CDH22: variants seen among roughly 807,000 people sequenced by gnomAD.
CDH22 encodes cadherin 22, also known as cadherin-22.
A neutral mutation model predicts 58.4 loss-of-function variants in CDH22; 30 were observed. The ratio of observed to expected loss-of-function variants is 0.51; its 90% CI spans 0.38 to 0.70. CDH22 has a LOEUF of 0.70. Ranked by LOEUF, CDH22 falls within the 30% of genes least tolerant of loss-of-function variation. The pLI is 0.00. For missense variants in CDH22, 1,014 were observed against 1,233.9 expected (o/e 0.82, Z 2.67); for synonymous variants, 513 against 558.2 (o/e 0.92, Z 1.14).
At chr20:46,230,240 C>T (rs919025316) in intron 3 of CDH22, among the ~76,000 whole-genome samples, 4 of 152,176 alleles carry the variant, frequency 2.6e-5, no homozygotes, top group South Asian at 2.1e-4. Context: ...TGTCCATTCT[C>T]TCCTGCAGAC....
At chr20:46,262,857 C>T (rs1043221019) in intron 1 of CDH22, among the ~76,000 whole-genome samples, 16 of 152,198 alleles carry the variant, frequency 1.1e-4, no homozygotes, top group African/African-American at 3.4e-4. Flanking sequence ...GATGGAACCA[C>T]CTGCTGTTAA....
intron 7 of CDH22, chr20:46,209,981 C>A: frequency 3.5e-6 from 1 of 281,978 alleles, no homozygotes. Context: ...GTCGAGAGAT[C>A]AGGGAGCCAG....
intron 2 of CDH22, among the ~76,000 whole-genome samples, chr20:46,249,602 C>T (rs977681892): frequency 6.6e-6 from 1 of 152,168 alleles, no homozygotes; most frequent in Non-Finnish European, 1.5e-5. Context: ...GATCTCTGAG[C>T]CTCAGAACTG....
intron 1 of CDH22, among the ~76,000 whole-genome samples, chr20:46,305,795 G>T (rs778089337): frequency 6.6e-6 from 1 of 152,218 alleles, no homozygotes. Flanking sequence ...TTGCCAACTC[G>T]GGAGGAGACG....
At chr20:46,213,271 C>T in intron 5 of CDH22, 83 bp from the exon 6 acceptor site, 1 of 937,430 alleles carries the variant, frequency 1.1e-6, no homozygotes, top group Non-Finnish European at 1.7e-6. Flanking sequence ...GACAAGGGGG[C>T]CCAGGTGAGC....
chr20:46,251,539 G>C lies in CDH22; in HGVS notation c.-245C>G, dbSNP rs866477135. ...GGCATGGACAGCCCCCGGGGTGCCC[G>C]CCCGCGCCCCCGTCGCCGCGTCGCG... On this transcript the variant is annotated 5_prime_UTR_variant, in exon 2 of 12. Coordinates refer to ENST00000537909, the MANE Select transcript of CDH22 (RefSeq NM_021248.3). This position sits in a 1 kb window ranked among gnomAD's most constrained non-coding sequence, Gnocchi z 6.7. 3.6e-4 allele frequency: 113 copies of C among 318,180 alleles called. No individual in the cohort carries two copies. The highest frequency in any genetic ancestry group is 2.2e-3 in the African/African-American group (100 of 45,774). 19.7% of individuals were successfully genotyped at this position (318,180 alleles called of 1,614,324 possible).
chr20:46,251,201 G>A lies in CDH22; in HGVS notation c.94C>T (p.Leu32=). ...LLLLLPPPPT[L]LGRLWAAGTP... Reference sequence around the variant, plus strand: ...CCCGCTGCCCACAGGCGCCCCAGCAGCGTCGGCGGCGGCGGCAGCAGCAGC... The same window carrying A: ...CCCGCTGCCCACAGGCGCCCCAGCAACGTCGGCGGCGGCGGCAGCAGCAGC... Residue 32 remains leucine (L), a synonymous_variant, in exon 2 of 12, where the codon CTG becomes TTG. Coordinates refer to ENST00000537909, the MANE Select transcript of CDH22 (RefSeq NM_021248.3). This position sits in a 1 kb window ranked among gnomAD's most constrained non-coding sequence, Gnocchi z 6.7. 1 of 1,472,560 alleles carries A rather than the reference G, an allele frequency of 6.8e-7. No homozygotes were observed. Among genetic ancestry groups the A allele is most frequent in the Non-Finnish European group, 9.0e-7 (1 of 1,113,782 alleles). 91.2% of individuals were successfully genotyped at this position (1,472,560 alleles called of 1,614,324 possible).
intron 10 of CDH22, 31 bp downstream of exon 10, chr20:46,186,557 C>A: frequency 1.3e-6 from 2 of 1,494,430 alleles, no homozygotes; most frequent in African/African-American, 2.8e-5. Flanking sequence ...TGTGCCCCTC[C>A]CTTCTTGCAT....
chr20:46,180,661 T>C (rs1352545079), intron 10 of CDH22, among the ~76,000 whole-genome samples: 2 of 152,178 alleles, frequency 1.3e-5, no homozygotes, highest in African/African-American at 2.4e-5. Flanking sequence ...TATATGGAAA[T>C]TGTGGCTCAG....
At chr20:46,250,778 A>C (rs1029419273) in intron 2 of CDH22, among the ~76,000 whole-genome samples, 2 of 152,228 alleles carry the variant, frequency 1.3e-5, no homozygotes, top group Non-Finnish European at 2.9e-5. Flanking sequence ...CCTAAATCCC[A>C]CATGCATCTA....
At chr20:46,244,239 G>A (rs1452239965) in intron 2 of CDH22, among the ~76,000 whole-genome samples, 1 of 152,204 alleles carries the variant, frequency 6.6e-6, no homozygotes, top group African/African-American at 2.4e-5. Context: ...GAACCTAGTG[G>A]TGATGTCATC....
intron 5 of CDH22, among the ~76,000 whole-genome samples, 183 bp from the exon 6 acceptor site, chr20:46,213,371 A>C (rs924549510): frequency 1.3e-5 from 2 of 152,226 alleles, no homozygotes; most frequent in Non-Finnish European, 2.9e-5. Flanking sequence ...TTTGGGTGGC[A>C]GTGCAAAAGG....
intron 2 of CDH22, among the ~76,000 whole-genome samples, chr20:46,249,949 A>C (rs1225083963): frequency 2.0e-5 from 3 of 152,212 alleles, no homozygotes; most frequent in African/African-American, 7.2e-5. Flanking sequence ...ATACTATTTA[A>C]TGATTGCCTA....
chr20:46,184,779 A>AG (rs1222925485), intron 10 of CDH22, among the ~76,000 whole-genome samples: 1 of 152,156 alleles, frequency 6.6e-6, no homozygotes, highest in African/African-American at 2.4e-5. Flanking sequence ...CCGAGGCAGT[A>AG]GGTGTTACTC....
At chr20:46,218,096 G>A (rs2145698308) in intron 4 of CDH22, among the ~76,000 whole-genome samples, 1 of 152,080 alleles carries the variant, frequency 6.6e-6, no homozygotes, top group African/African-American at 2.4e-5. Flanking sequence ...GCTAATCTTT[G>A]CATTTTTAGT....
chr20:46,238,329 T>C (rs76985452), intron 3 of CDH22, among the ~76,000 whole-genome samples: 10,228 of 152,256 alleles, frequency 0.067, 1,003 homozygotes, highest in African/African-American at 0.21. Flanking sequence ...ACTTGCTGTG[T>C]GACCTTGGAC....
intron 2 of CDH22, among the ~76,000 whole-genome samples, chr20:46,242,390 C>T (rs2086297378): frequency 6.6e-6 from 1 of 152,212 alleles, no homozygotes; most frequent in Non-Finnish European, 1.5e-5. Context: ...CTGACATCGC[C>T]TCCCTGTGCA....
chr20:46,228,209 G>C (rs1312386044), intron 3 of CDH22, among the ~76,000 whole-genome samples: 1 of 150,658 alleles, frequency 6.6e-6, no homozygotes, highest in Non-Finnish European at 1.5e-5. Flanking sequence ...AATTCATCGG[G>C]GGTCAGAGGC....
At position 46,223,639 on chromosome 20, in the gene CDH22, TTC is replaced by T. The variant is rs1373952400; in HGVS notation, c.670+3867_670+3868del. The stretch of plus-strand genomic sequence containing the variant: ...TTTTCTTTCTTTCTTTTTTCTTTCT[TTC>T]TTTCTTTCTCTTTCTTTTTCTTTCC... On this transcript the variant is annotated intron_variant, in intron 4 of 11. Coordinates refer to ENST00000537909, the MANE Select transcript of CDH22 (RefSeq NM_021248.3). Among the ~76,000 whole-genome samples the T allele has an allele frequency of 7.9e-4, 119 of 151,202 alleles. 1 individual carries two copies. Among genetic ancestry groups the T allele is most frequent in the African/African-American group, 2.2e-3 (91 of 40,870 alleles).
Sources: allele counts gnomAD v4.1 joint callset (sites outside exome capture counted in the v4.1 genomes callset), GRCh38; gene constraint gnomAD v4.1.1; non-coding constraint Gnocchi (gnomAD v3.1); transcripts MANE v1.5; gene names NCBI Gene and HGNC (gene_info 2026-07-23, HGNC 2026-07-21).